The following RAB11FIP3 variants were observed in gnomAD, a reference collection of about 807,000 sequenced individuals.
The protein encoded by RAB11FIP3 is rab11 family-interacting protein 3.
In RAB11FIP3, 17 loss-of-function variants were observed where a neutral mutation model predicts 77.8. The observed-to-expected ratio is 0.22, with a 90% CI of 0.15 to 0.33. RAB11FIP3 has a LOEUF of 0.33. Among genes scored for constraint, RAB11FIP3 ranks in the 10% least tolerant of loss-of-function variants. The probability of loss-of-function intolerance (pLI) is 1.00; values close to 1 mark genes in which losing one functional copy is unlikely to be tolerated. For missense variants in RAB11FIP3, 1,005 were observed against 1,011.2 expected (o/e 0.99, Z 0.08); for synonymous variants, 437 against 448.2 (o/e 0.98, Z 0.31).
rs1242402232 is a variant in RAB11FIP3, at chr16:482,669, G to A, written c.1048G>A (p.Val350Met). 44 of 1,612,486 alleles carry A rather than the reference G, an allele frequency of 2.7e-5. No individual in the cohort carries two copies. Among genetic ancestry groups the A allele is most frequent in the Non-Finnish European group, 3.4e-5 (40 of 1,179,944 alleles). ...GDADSAGGSA[V>M]PSECLDAMEE... The stretch of plus-strand genomic sequence containing the variant: ...CGCAGACAGTGCCGGCGGCTCGGCC[G>A]TGCCCTCTGAGTGCCTGGACGCCAT... Residue 350 changes from valine to methionine, a missense_variant, in exon 4 of 14, where the codon GTG becomes ATG. By Grantham distance (21) the Val-to-Met change is conservative (BLOSUM62 1). Around this residue, in one of 4 missense-constraint regions of RAB11FIP3, gnomAD observed 433 missense variants for 436.1 expected, o/e 0.99. Transcript: ENST00000262305.
In RAB11FIP3 at chr16:520,177, C is replaced by T; in HGVS notation, c.1916C>T (p.Ala639Val). Reference sequence around the variant, plus strand: ...CACCTGCAGCTCCTCAAGCTGGAGGCCGAGCAGCGGCGGGGCCGCAGCAGC... The same window carrying T: ...CACCTGCAGCTCCTCAAGCTGGAGGTCGAGCAGCGGCGGGGCCGCAGCAGC... ...LEHLQLLKLEAEQRRGRSSSM... is the reference protein window; with the variant it reads ...LEHLQLLKLEVEQRRGRSSSM... The change falls in exon 12 of 14, where the codon GCC (alanine) becomes GTC (valine). Residue 639 changes from alanine to valine, a missense_variant. Ala to Val is a moderately conservative substitution (Grantham distance 64). Transcript: ENST00000262305. 6 of 1,546,956 alleles carry T rather than the reference C, an allele frequency of 3.9e-6. No homozygotes were observed. The highest frequency in any genetic ancestry group is 4.4e-6 in the Non-Finnish European group (5 of 1,148,242).
At chr16:500,053 C>T (rs1202917359) in intron 6 of RAB11FIP3, among the ~76,000 whole-genome samples, 1 of 152,244 alleles carries the variant, frequency 6.6e-6, no homozygotes, top group Non-Finnish European at 1.5e-5. Flanking sequence ...ATTGTAGCCC[C>T]CGGGCCTGGC....
In RAB11FIP3 at chr16:426,392, C is replaced by G. The variant is rs777555396; in HGVS notation, c.386C>G (p.Pro129Arg). The G allele has an allele frequency of 1.3e-5, 20 of 1,580,066 alleles. No individual in the cohort carries two copies. In the African/African-American group the frequency reaches 2.4e-4, roughly 19 times the overall value. Residue 129 changes from proline (P) to arginine (R), a missense_variant, in exon 1 of 14, where the codon CCC becomes CGC. Around this residue, in one of 4 missense-constraint regions of RAB11FIP3, gnomAD observed 466 missense variants for 408.3 expected, o/e 1.14. Transcript: ENST00000262305. The surrounding 1 kb of genome is among the most constrained non-coding windows in gnomAD (Gnocchi z 5.0). ...CCGTTGTTCTCCTGGACTGAGGAGC[C>G]CGAGGAGTGTGGCCCCGCGAGCTGC... ...LDPLFSWTEE[P>R]EECGPASCPE...
chr16:434,431 T>G (rs2055094065), intron 1 of RAB11FIP3, among the ~76,000 whole-genome samples: 1 of 149,754 alleles, frequency 6.7e-6, no homozygotes, highest in Non-Finnish European at 1.5e-5. Context: ...GCCAGATGTA[T>G]ACTTTATTTT....
At chr16:442,317 T>G (rs1456223540) in intron 1 of RAB11FIP3, among the ~76,000 whole-genome samples, 1 of 152,212 alleles carries the variant, frequency 6.6e-6, no homozygotes, top group East Asian at 1.9e-4. Context: ...TGATGCTGGT[T>G]TTTGAAATGG....
Position 519,737 on chromosome 16 carries a change from G to A in RAB11FIP3, c.1723-17G>A, listed in dbSNP as rs373241483. On this transcript the variant is annotated splice_polypyrimidine_tract_variant and intron_variant, in intron 10 of 13. Coordinates refer to ENST00000262305, the MANE Select transcript of RAB11FIP3 (RefSeq NM_014700.4). ...AGGTGCGTGACCCGCATCCAGGGCAGGTGTCCACCCCTGCAGGAGAAGCAG... is the reference window on the plus strand; with the variant it reads ...AGGTGCGTGACCCGCATCCAGGGCAAGTGTCCACCCCTGCAGGAGAAGCAG... 6.2e-6 allele frequency: 10 copies of A among 1,611,026 alleles called. No individual in the cohort carries two copies. Among genetic ancestry groups the A allele is most frequent in the South Asian group, 4.4e-5 (4 of 90,778 alleles).
chr16:426,434 T>C lies in RAB11FIP3; in HGVS notation c.428T>C (p.Phe143Ser). 6.3e-7 allele frequency: 1 copy of C among 1,585,120 alleles called. No individual in the cohort carries two copies. Among genetic ancestry groups the C allele is most frequent in the Non-Finnish European group, 8.6e-7 (1 of 1,167,174 alleles). The stretch of plus-strand genomic sequence containing the variant: ...GCGAGCTGCCCGGAGAGCGCGCCTT[T>C]CCGCTTGCAGGGGTCCAGCAGCAGC... ...GPASCPESAPFRLQGSSSSHR... is the reference protein window; with the variant it reads ...GPASCPESAPSRLQGSSSSHR... The change falls in exon 1 of 14, where the codon TTC (phenylalanine) becomes TCC (serine). Residue 143 changes from phenylalanine (F) to serine (S), a missense_variant. Transcript: ENST00000262305. The surrounding 1 kb of genome is among the most constrained non-coding windows in gnomAD (Gnocchi z 5.0).
At chr16:452,198 A>T (rs1418588181) in intron 1 of RAB11FIP3, among the ~76,000 whole-genome samples, 1 of 149,904 alleles carries the variant, frequency 6.7e-6, no homozygotes, top group Non-Finnish European at 1.5e-5. Context: ...AGCTGGGCAT[A>T]GTGGTGGGGG....
At chr16:518,577 T>G (rs2032524298) in intron 9 of RAB11FIP3, among the ~76,000 whole-genome samples, 1 of 149,654 alleles carries the variant, frequency 6.7e-6, no homozygotes, top group Non-Finnish European at 1.5e-5. Context: ...TTACAAAAAT[T>G]AGCCGGGCGT....
intron 1 of RAB11FIP3, among the ~76,000 whole-genome samples, chr16:443,184 T>G (rs1055595633): frequency 2.0e-5 from 3 of 152,060 alleles, no homozygotes; most frequent in Non-Finnish European, 4.4e-5. Flanking sequence ...CACTTGGCTC[T>G]CTCTTGCAGA....
rs553293024 is a variant in RAB11FIP3 at position 440,085 on chromosome 16, C to A, written c.714+13365C>A. ...TCGATCTCCTGACCTCATGATCCGC[C>A]CCCCCCATCGGCCTCCCAAAGTGCT... On this transcript the variant is annotated intron_variant, in intron 1 of 13. Transcript: ENST00000262305. Among the ~76,000 whole-genome samples, 6 of 152,062 alleles carry A rather than the reference C, an allele frequency of 3.9e-5. No homozygotes were observed. In the East Asian group the frequency reaches 7.7e-4, roughly 20 times the overall value.
chr16:425,705 G>GC lies in RAB11FIP3; in HGVS notation c.-297dup. 3.5e-6 allele frequency: 1 copy of GC among 287,956 alleles called. No homozygotes were observed. Among genetic ancestry groups the GC allele is most frequent in the Non-Finnish European group, 6.5e-6 (1 of 154,616 alleles). The allele number at this position is 287,956 out of a possible 1,614,324, so 17.8% of individuals were successfully genotyped here. ...GGCTCCGCGGCCTCCGGCCTCCTCGGCCCCCGTCCCCCGGCCTCCTCGGCC... is the reference window on the plus strand; with the variant it reads ...GGCTCCGCGGCCTCCGGCCTCCTCGGCCCCCCGTCCCCCGGCCTCCTCGGCC... On this transcript the variant is annotated 5_prime_UTR_variant, in exon 1 of 14. Coordinates refer to ENST00000262305, the MANE Select transcript of RAB11FIP3 (RefSeq NM_014700.4).
At position 425,950 on chromosome 16, in the gene RAB11FIP3, C is replaced by T. The variant is rs1285068226; in HGVS notation, c.-57C>T. 2 of 747,084 alleles carry T rather than the reference C, an allele frequency of 2.7e-6. No individual in the cohort carries two copies. Among genetic ancestry groups the T allele is most frequent in the Non-Finnish European group, 3.2e-6 (2 of 622,466 alleles). The allele number at this position is 747,084 out of a possible 1,614,324, so 46.3% of individuals were successfully genotyped here. A position where few individuals can be genotyped will look rare whatever the true frequency, so the allele number is the denominator to read the frequency against. On this transcript the variant is annotated 5_prime_UTR_variant, in exon 1 of 14. Coordinates refer to ENST00000262305, the MANE Select transcript of RAB11FIP3 (RefSeq NM_014700.4). ...GGGGATGCCCGCGCCCGCCGCCGCGCCCTGAGCGCCTTTGTCTGCCGCCCG... is the reference window on the plus strand; with the variant it reads ...GGGGATGCCCGCGCCCGCCGCCGCGTCCTGAGCGCCTTTGTCTGCCGCCCG...
chr16:450,838 C>CG (rs2055395807), intron 1 of RAB11FIP3, among the ~76,000 whole-genome samples: 1 of 130,354 alleles, frequency 7.7e-6, no homozygotes, highest in African/African-American at 2.8e-5. Flanking sequence ...CCTCCCTCCC[C>CG]GCCCCCCACC....
intron 5 of RAB11FIP3, among the ~76,000 whole-genome samples, chr16:490,825 C>T (rs921014661): frequency 3.9e-5 from 6 of 152,204 alleles, no homozygotes; most frequent in Non-Finnish European, 8.8e-5. Context: ...TAAAGAAGGG[C>T]TTTTGCTTTG....
chr16:444,782 C>T (rs558856066), intron 1 of RAB11FIP3, among the ~76,000 whole-genome samples: 10 of 149,054 alleles, frequency 6.7e-5, no homozygotes, highest in Middle Eastern at 3.8e-3. Context: ...GTCAGGAGTT[C>T]GAGACCAGCC....
intron 4 of RAB11FIP3, among the ~76,000 whole-genome samples, chr16:483,052 G>A (rs8053746): frequency 0.1 from 15,868 of 152,094 alleles, 927 homozygotes; most frequent in East Asian, 0.2. Flanking sequence ...TTTGGAACCC[G>A]TTCACCTTTG....
intron 5 of RAB11FIP3, among the ~76,000 whole-genome samples, chr16:490,030 G>A (rs908743380): frequency 3.9e-5 from 6 of 152,226 alleles, no homozygotes; most frequent in African/African-American, 1.4e-4. Flanking sequence ...GAGGACTGGG[G>A]CGTTTCTAAA....
chr16:434,258 A>G (rs1384099385), intron 1 of RAB11FIP3, among the ~76,000 whole-genome samples: 1 of 152,078 alleles, frequency 6.6e-6, no homozygotes, highest in Admixed American at 6.6e-5. Flanking sequence ...AGTAGCTGGG[A>G]TTACAAGCAT....
Sources: allele counts gnomAD v4.1 joint callset (sites outside exome capture counted in the v4.1 genomes callset), GRCh38; gene constraint gnomAD v4.1.1; regional missense constraint gnomAD v4.1.1; non-coding constraint Gnocchi (gnomAD v3.1); transcripts MANE v1.5; gene names NCBI Gene and HGNC (gene_info 2026-07-23, HGNC 2026-07-21).